Variants in GADL1 observed in about 807,000 individuals in gnomAD.
GADL1 encodes GAD like acidic amino acid decarboxylase 1.
Under a neutral mutation model 69.5 loss-of-function variants are expected in GADL1, and 71 were observed. The ratio of observed to expected loss-of-function variants is 1.02; its 90% CI spans 0.84 to 1.25. The LOEUF (loss-of-function observed/expected upper bound fraction) is 1.25. GADL1 is among the 50% of genes most tolerant of loss of function. The probability of loss-of-function intolerance (pLI) is 0.00; values close to 1 mark genes in which losing one functional copy is unlikely to be tolerated. For missense variants in GADL1, 737 were observed against 631.8 expected (o/e 1.17, Z -1.79); for synonymous variants, 254 against 214.4 (o/e 1.18, Z -1.62).
At chr3:30,756,299 G>A (rs1371088529) in intron 14 of GADL1, among the ~76,000 whole-genome samples, 1 of 151,948 alleles carries the variant, frequency 6.6e-6, no homozygotes, top group African/African-American at 2.4e-5. Flanking sequence ...CATAAGATGA[G>A]AATAAGAAGG....
At chr3:30,814,781 T>G (rs965723356) in intron 11 of GADL1, among the ~76,000 whole-genome samples, 2 of 152,022 alleles carry the variant, frequency 1.3e-5, no homozygotes, top group Non-Finnish European at 1.5e-5. Context: ...CTGGCCAAGA[T>G]AGTGAAATCC....
chr3:30,838,243 A>C (rs113757382), intron 9 of GADL1, among the ~76,000 whole-genome samples: 57 of 152,238 alleles, frequency 3.7e-4, no homozygotes, highest in Admixed American at 1.6e-3. Flanking sequence ...GTTTCACACA[A>C]AAAAAATTAA....
chr3:30,800,853 A>G, intron 12 of GADL1, 36 bp downstream of exon 12: 1 of 1,279,544 alleles, frequency 7.8e-7, no homozygotes, highest in Non-Finnish European at 1.1e-6. Flanking sequence ...ACACACACAG[A>G]AAGAGAGAGA....
At chr3:30,733,029 G>A (rs1000631799) in intron 14 of GADL1, among the ~76,000 whole-genome samples, 5 of 152,134 alleles carry the variant, frequency 3.3e-5, no homozygotes, top group Admixed American at 2.6e-4. Flanking sequence ...GATGGAGTGA[G>A]ACTCTGTCTT....
At chr3:30,748,351 C>A (rs891756539) in intron 14 of GADL1, among the ~76,000 whole-genome samples, 3 of 152,102 alleles carry the variant, frequency 2.0e-5, no homozygotes, top group Non-Finnish European at 2.9e-5. Context: ...ACAGAATGAC[C>A]AGTGTGTACT....
chr3:30,891,563 T>C (rs180700252), intron 1 of GADL1, among the ~76,000 whole-genome samples: 8 of 151,246 alleles, frequency 5.3e-5, no homozygotes, highest in African/African-American at 1.9e-4. Context: ...GTGTTAGGAG[T>C]GTAGGGGTGC....
chr3:30,758,122 C>CT (rs1696023626), intron 14 of GADL1, among the ~76,000 whole-genome samples: 1 of 152,178 alleles, frequency 6.6e-6, no homozygotes, highest in East Asian at 1.9e-4. Flanking sequence ...AAAACCAAAT[C>CT]TGGATGATAC....
chr3:30,870,129 T>G (rs1698460261), intron 1 of GADL1, among the ~76,000 whole-genome samples: 1 of 151,804 alleles, frequency 6.6e-6, no homozygotes, highest in Non-Finnish European at 1.5e-5. Flanking sequence ...AATTTACATT[T>G]AGTTGGGGTG....
At chr3:30,743,976 G>A (rs1695663936) in intron 14 of GADL1, among the ~76,000 whole-genome samples, 1 of 152,166 alleles carries the variant, frequency 6.6e-6, no homozygotes, top group South Asian at 2.1e-4. Context: ...GGAAGACCAT[G>A]GAGCAGAGCA....
rs751080917 is a variant in GADL1, at chr3:30,850,035, C to T, written c.612G>A (p.Leu204=). 3.7e-6 allele frequency: 6 copies of T among 1,610,752 alleles called. No homozygotes were observed. The South Asian group carries it at 6.6e-5, about 18-fold the overall frequency. ...AAAGGATTAATCTTGGCGAACCAGA[C>T]AGCCCCTTTTCCTTAATATCAGGAC... ...KYCPDIKEKG[L]SGSPRLILFT... is the part of the protein sequence containing the mutation. The change falls in exon 6 of 15, where the codon CTG becomes CTA. Residue 204 remains leucine (L), a synonymous_variant. Coordinates refer to ENST00000282538, the MANE Select transcript of GADL1 (RefSeq NM_207359.3).
At chr3:30,850,194 G>A (rs1325079744) in intron 5 of GADL1, 83 bp from the exon 6 acceptor site, 2 of 751,658 alleles carry the variant, frequency 2.7e-6, no homozygotes, top group African/African-American at 3.5e-5. Context: ...AAGCATGAAT[G>A]GCCATGACTG....
At chr3:30,796,275 A>C (rs1697030499) in intron 12 of GADL1, among the ~76,000 whole-genome samples, 2 of 152,216 alleles carry the variant, frequency 1.3e-5, no homozygotes, top group South Asian at 4.1e-4. Context: ...TAATTTAGTG[A>C]GCAGCTATAA....
intron 14 of GADL1, among the ~76,000 whole-genome samples, chr3:30,736,895 G>A (rs904513449): frequency 1.1e-4 from 17 of 152,224 alleles, no homozygotes; most frequent in African/African-American, 3.9e-4. Context: ...TGTTGCATAA[G>A]TTGTTAGAAT....
At chr3:30,786,591 T>TATCATCAAATGCATCA (rs1553639014) in intron 12 of GADL1, among the ~76,000 whole-genome samples, 185 bp from the exon 13 acceptor site, 1 of 152,178 alleles carries the variant, frequency 6.6e-6, no homozygotes, top group Non-Finnish European at 1.5e-5. Flanking sequence ...TTGGCCTGAG[T>TATCATCAAATGCATCA]AAAAGGATGC....
intron 1 of GADL1, among the ~76,000 whole-genome samples, chr3:30,879,309 G>T (rs934863198): frequency 1.3e-5 from 2 of 151,856 alleles, no homozygotes; most frequent in South Asian, 4.1e-4. Context: ...TAGAGAAAAT[G>T]CATCCCATAG....
chr3:30,778,267 G>C lies in GADL1; in HGVS notation c.1304C>G (p.Pro435Arg). Reference protein sequence around the residue: ...KREGFKLLMEPEYANICFWYI... With the variant: ...KREGFKLLMEREYANICFWYI... ...CCAAAAGCAAATATTGGCATATTCA[G>C]GCTGAGAATTAGAAAAAATATAAAG... Residue 435 changes from proline to arginine, a missense_variant and splice_region_variant, in exon 14 of 15, where the codon CCT (proline) becomes CGT (arginine). By Grantham distance (103) the Pro-to-Arg change is moderately radical (BLOSUM62 -2). Transcript: ENST00000282538. The C allele has an allele frequency of 1.3e-6, 2 of 1,591,308 alleles. No homozygotes were observed. The highest frequency in any genetic ancestry group is 1.7e-6 in the Non-Finnish European group (2 of 1,161,684).
chr3:30,870,784 A>ATG (rs1366709981), intron 1 of GADL1, among the ~76,000 whole-genome samples: 3 of 151,582 alleles, frequency 2.0e-5, no homozygotes, highest in African/African-American at 4.9e-5. Flanking sequence ...GATAGATTGG[A>ATG]TGTAGGGGTC....
intron 14 of GADL1, among the ~76,000 whole-genome samples, chr3:30,754,757 CAG>C (rs1033501680): frequency 3.5e-4 from 53 of 152,242 alleles, no homozygotes; most frequent in African/African-American, 5.1e-4. Context: ...CTATGTTTAA[CAG>C]AGATAAACTG....
chr3:30,801,322 T>C (rs1697160852), intron 11 of GADL1, among the ~76,000 whole-genome samples: 1 of 152,128 alleles, frequency 6.6e-6, no homozygotes. Flanking sequence ...CTTCACAATT[T>C]TACTGAGTAT....
Sources: gnomAD v4.1 joint callset for allele counts (sites outside exome capture counted in the v4.1 genomes callset) on GRCh38, gnomAD v4.1.1 for gene constraint, MANE v1.5 for transcripts, NCBI Gene and HGNC (gene_info 2026-07-23, HGNC 2026-07-21) for gene names.